The following CNBD1 variants were observed in gnomAD, a reference collection of about 807,000 sequenced individuals.
CNBD1 encodes the protein cyclic nucleotide-binding domain-containing protein 1.
In CNBD1, 71 loss-of-function variants were observed where a neutral mutation model predicts 54.4. The observed-to-expected ratio is 1.30, with a 90% CI of 1.08 to 1.59. The LOEUF is 1.59. Among genes scored for constraint, CNBD1 ranks in the 40% most tolerant of loss-of-function variants. The pLI is 0.00. For synonymous variants in CNBD1, 182 were observed against 170.7 expected (o/e 1.07, Z -0.51); for missense variants, 659 against 518.0 (o/e 1.27, Z -2.64).
intron 2 of CNBD1, among the ~76,000 whole-genome samples, chr8:87,423,044 A>C (rs200307376): frequency 5.3e-5 from 8 of 151,670 alleles, no homozygotes; most frequent in Admixed American, 1.3e-4. Context: ...CAATTGTGAA[A>C]GGGAGTTCAC....
At chr8:87,350,143 G>C (rs780326636) in intron 8 of CNBD1, among the ~76,000 whole-genome samples, 1 of 152,040 alleles carries the variant, frequency 6.6e-6, no homozygotes, top group Non-Finnish European at 1.5e-5. Context: ...TGTTTTGGTG[G>C]AAGAGTTCCT....
intron 2 of CNBD1, among the ~76,000 whole-genome samples, chr8:87,421,088 A>G (rs926252165): frequency 7.9e-5 from 12 of 152,056 alleles, no homozygotes; most frequent in Non-Finnish European, 1.5e-4. Context: ...TCTCAATAGT[A>G]GATAGATATT....
At chr8:87,361,562 G>A (rs1260034741) in intron 10 of CNBD1, among the ~76,000 whole-genome samples, 1 of 151,364 alleles carries the variant, frequency 6.6e-6, no homozygotes, top group African/African-American at 2.4e-5. Flanking sequence ...TTTTAGGAAG[G>A]GAAAATCCTC....
chr8:87,223,618 C>T (rs1292973631), intron 5 of CNBD1, among the ~76,000 whole-genome samples: 3 of 152,136 alleles, frequency 2.0e-5, no homozygotes, highest in East Asian at 1.9e-4. Context: ...ATATGTGCCA[C>T]ATTTTCTTAA....
intron 4 of CNBD1, among the ~76,000 whole-genome samples, chr8:86,960,140 G>T (rs555441332): frequency 1.1e-4 from 17 of 152,158 alleles, no homozygotes; most frequent in Non-Finnish European, 2.2e-4. Flanking sequence ...GAGCTTGTCG[G>T]ATAGTGGGTG....
At chr8:87,315,077 T>C (rs936049393) in intron 8 of CNBD1, among the ~76,000 whole-genome samples, 6 of 151,970 alleles carry the variant, frequency 3.9e-5, no homozygotes, top group African/African-American at 7.2e-5. Context: ...TACTGAGAGA[T>C]TGGAACATAA....
intron 1 of CNBD1, among the ~76,000 whole-genome samples, chr8:86,885,211 A>G (rs1365135339): frequency 6.6e-6 from 1 of 152,240 alleles, no homozygotes; most frequent in African/African-American, 2.4e-5. Context: ...ACACATATGA[A>G]GATATATCTA....
At chr8:86,959,281 AT>A in intron 4 of CNBD1, among the ~76,000 whole-genome samples, 1 of 151,992 alleles carries the variant, frequency 6.6e-6, no homozygotes, top group African/African-American at 2.4e-5. Context: ...TGCCCTTAAC[AT>A]TTTTTCCTTC....
chr8:87,356,622 T>C (rs1345954107), intron 10 of CNBD1, among the ~76,000 whole-genome samples: 1 of 152,084 alleles, frequency 6.6e-6, no homozygotes, highest in Non-Finnish European at 1.5e-5. Flanking sequence ...GCATAAAAGA[T>C]GACTTAACGT....
At position 87,237,007 on chromosome 8, in the gene CNBD1, T is replaced by C. The variant is rs1256777414; in HGVS notation, c.666T>C (p.Asp222=). The C allele has an allele frequency of 6.2e-7, 1 of 1,611,988 alleles. No homozygotes were observed. Among genetic ancestry groups the C allele is most frequent in the Non-Finnish European group, 8.5e-7 (1 of 1,178,436 alleles). The part of the protein sequence containing the change: ...NVYKNLIEGS[D]SPDSFISQSF... ...ATAAAAATCTGATTGAAGGAAGTGATTCACCAGACTCGTTCATATCTCAGA... is the reference window on the plus strand; with the variant it reads ...ATAAAAATCTGATTGAAGGAAGTGACTCACCAGACTCGTTCATATCTCAGA... The change falls in exon 6 of 11, where the codon GAT becomes GAC. Residue 222 remains aspartate (D), a synonymous_variant. Transcript: ENST00000518476.
At chr8:86,976,208 T>C (rs1213577877) in intron 4 of CNBD1, among the ~76,000 whole-genome samples, 1 of 132,068 alleles carries the variant, frequency 7.6e-6, no homozygotes, top group Non-Finnish European at 1.7e-5. Flanking sequence ...TTTTTTTTTT[T>C]GCTGTGGATA....
At chr8:87,328,075 C>T (rs558524761) in intron 8 of CNBD1, among the ~76,000 whole-genome samples, 10 of 151,920 alleles carry the variant, frequency 6.6e-5, no homozygotes, top group African/African-American at 1.2e-4. Context: ...CCTATCAACC[C>T]GTCATCTAGG....
chr8:87,174,596 G>C (rs1028707281), intron 4 of CNBD1, among the ~76,000 whole-genome samples: 3 of 152,048 alleles, frequency 2.0e-5, no homozygotes, highest in Admixed American at 1.3e-4. Flanking sequence ...TTTTAGTTCT[G>C]TCAGGTCATC....
chr8:87,145,899 G>A (rs1193673956), intron 4 of CNBD1, among the ~76,000 whole-genome samples: 1 of 151,950 alleles, frequency 6.6e-6, no homozygotes, highest in Admixed American at 6.6e-5. Context: ...CAGTCTGCAG[G>A]ATCATATTTT....
chr8:86,968,107 C>T (rs891701262), intron 4 of CNBD1, among the ~76,000 whole-genome samples: 13 of 152,110 alleles, frequency 8.5e-5, no homozygotes, highest in Non-Finnish European at 1.8e-4. Context: ...CATTTGCCTT[C>T]CTCCTGGTGG....
intron 4 of CNBD1, among the ~76,000 whole-genome samples, chr8:87,172,930 T>A (rs1272995548): frequency 6.6e-6 from 1 of 152,130 alleles, no homozygotes; most frequent in African/African-American, 2.4e-5. Context: ...TGTTTTCCGG[T>A]TATTTTGTGG....
chr8:87,408,106 T>A (rs1418330456), intron 2 of CNBD1, among the ~76,000 whole-genome samples: 2 of 152,120 alleles, frequency 1.3e-5, no homozygotes, highest in Non-Finnish European at 1.5e-5. Flanking sequence ...TCGTTGATTA[T>A]CTTTCCCCTT....
At chr8:87,220,135 C>A (rs1814298963) in intron 5 of CNBD1, among the ~76,000 whole-genome samples, 1 of 151,882 alleles carries the variant, frequency 6.6e-6, no homozygotes, top group African/African-American at 2.4e-5. Context: ...TTCCTTTATG[C>A]AATCGCCAAT....
intron 5 of CNBD1, among the ~76,000 whole-genome samples, chr8:87,210,774 C>G (rs1002434933): frequency 6.6e-6 from 1 of 152,182 alleles, no homozygotes; most frequent in Non-Finnish European, 1.5e-5. Context: ...CAGGCAGAAG[C>G]CTGCTACAGG....
Sources: gnomAD v4.1 joint callset for allele counts (sites outside exome capture counted in the v4.1 genomes callset) on GRCh38, gnomAD v4.1.1 for gene constraint, MANE v1.5 for transcripts, NCBI Gene and HGNC (gene_info 2026-07-23, HGNC 2026-07-21) for gene names.